Variants in DGKD observed in about 807,000 individuals in gnomAD.
DGKD encodes the protein DAG kinase delta.
A neutral mutation model predicts 154.4 loss-of-function variants in DGKD; 68 were observed. The observed-to-expected ratio is 0.44, with a 90% CI of 0.36 to 0.54. The LOEUF is 0.54. DGKD is among the 20% of genes least tolerant of loss of function. The pLI, the probability that DGKD is intolerant of heterozygous loss-of-function variation, is 0.00. For synonymous variants in DGKD, 693 were observed against 638.0 expected, an observed-to-expected ratio of 1.09 and a Z score of -1.30; for missense variants, 1,343 against 1,593.6, an observed-to-expected ratio of 0.84 and a Z score of 2.68.
chr2:233,454,937 T>TCTGGA, intron 19 of DGKD, 64 bp downstream of exon 19: 1 of 1,056,274 alleles, frequency 9.5e-7, no homozygotes, highest in Non-Finnish European at 1.5e-6. Flanking sequence ...TTCCAGACAG[T>TCTGGA]AGCAGATTTC....
intron 3 of DGKD, among the ~76,000 whole-genome samples, chr2:233,410,867 A>C (rs746677866): frequency 6.6e-6 from 1 of 152,094 alleles, no homozygotes; most frequent in African/African-American, 2.4e-5. Context: ...TTTCCTTGTA[A>C]TCCTTCCTTC....
chr2:233,424,750 G>T (rs563832290), intron 3 of DGKD, among the ~76,000 whole-genome samples: 1 of 152,212 alleles, frequency 6.6e-6, no homozygotes, highest in Non-Finnish European at 1.5e-5. Context: ...AGCCGGGTTC[G>T]TCAGGTTGTG....
intron 3 of DGKD, among the ~76,000 whole-genome samples, chr2:233,398,641 T>C (rs1314477129): frequency 1.3e-5 from 2 of 152,124 alleles, no homozygotes; most frequent in Non-Finnish European, 2.9e-5. Context: ...TGTTTGCTTT[T>C]TTTGAGACAG....
intron 3 of DGKD, among the ~76,000 whole-genome samples, chr2:233,425,590 A>T (rs543799641): frequency 6.6e-6 from 1 of 152,344 alleles, no homozygotes; most frequent in South Asian, 2.1e-4. Flanking sequence ...AGCCACTCAG[A>T]GGTCCTCTCA....
intron 2 of DGKD, 121 bp from the exon 3 acceptor site, chr2:233,390,282 G>A (rs1703511342): frequency 1.7e-6 from 1 of 589,072 alleles, no homozygotes; most frequent in Non-Finnish European, 2.9e-6. Context: ...ACAGTTTCAA[G>A]GTACTGGGGC....
At chr2:233,424,795 C>G (rs1465244812) in intron 3 of DGKD, among the ~76,000 whole-genome samples, 2 of 152,250 alleles carry the variant, frequency 1.3e-5, no homozygotes, top group Admixed American at 1.3e-4. Context: ...CTGGAAAACA[C>G]GCGGTGGATT....
chr2:233,436,652 A>G (rs2062707276), intron 7 of DGKD, among the ~76,000 whole-genome samples: 1 of 152,236 alleles, frequency 6.6e-6, no homozygotes, highest in Admixed American at 6.5e-5. Flanking sequence ...TCCTGTCTTT[A>G]GACATATGCA....
chr2:233,371,829 C>T (rs1007961645), intron 1 of DGKD, among the ~76,000 whole-genome samples: 3 of 152,308 alleles, frequency 2.0e-5, no homozygotes, highest in Admixed American at 2.0e-4. Flanking sequence ...GCTGTGCAGA[C>T]AGCCCTGCAG....
chr2:233,434,569 GGACC>G, intron 4 of DGKD, 85 bp downstream of exon 4: 1 of 1,443,526 alleles, frequency 6.9e-7, no homozygotes, highest in Non-Finnish European at 9.7e-7. Flanking sequence ...TCCCACGTGC[GGACC>G]CACAGTCTGG....
At chr2:233,386,015 GTA>G (rs1445281646) in intron 1 of DGKD, 3 of 470,478 alleles carry the variant, frequency 6.4e-6, no homozygotes, top group Admixed American at 4.7e-5. Context: ...GTGTGTGTAA[GTA>G]TGTGGTGCAG....
At chr2:233,395,463 C>G (rs940900836) in intron 3 of DGKD, among the ~76,000 whole-genome samples, 5 of 152,192 alleles carry the variant, frequency 3.3e-5, no homozygotes, top group African/African-American at 9.7e-5. Flanking sequence ...AGCCACCACA[C>G]CCAGCCATGC....
rs1452610465 is a variant in DGKD, at chr2:233,469,945, G to A, written c.*485G>A. ...AGCACAGCAGCCTGCAAGGGCCCCT[G>A]TTTGTTGATGCAGCTTTTGTTGAAC... On this transcript the variant is annotated 3_prime_UTR_variant, in exon 30 of 30. Transcript: ENST00000264057. 6.7e-6 allele frequency: 1 copy of A among 148,972 alleles called. No individual in the cohort carries two copies. 9.2% of individuals were successfully genotyped at this position (148,972 alleles called of 1,614,324 possible).
rs778150439 is a variant in DGKD, at chr2:233,445,105, G to A, written c.1195-518G>A. Among the ~76,000 whole-genome samples, 1 of 152,194 alleles carries A rather than the reference G, an allele frequency of 6.6e-6. No individual in the cohort carries two copies. Among genetic ancestry groups the A allele is most frequent in the Non-Finnish European group, 1.5e-5 (1 of 68,028 alleles). ...TGAGCTCTGGCAAGGCTCCAGGGTA[G>A]CCTCCAGACTGAGGATGGTCCTGGC... On this transcript the variant is annotated intron_variant, in intron 10 of 29. Transcript: ENST00000264057. The surrounding 1 kb of genome is among the most constrained non-coding windows in gnomAD (Gnocchi z 5.5).
chr2:233,384,898 C>T (rs1200557508), intron 1 of DGKD, among the ~76,000 whole-genome samples: 1 of 152,144 alleles, frequency 6.6e-6, no homozygotes, highest in Non-Finnish European at 1.5e-5. Context: ...GCTCAGGTAC[C>T]TGTTGTCTCA....
At chr2:233,424,186 T>G (rs2062215707) in intron 3 of DGKD, among the ~76,000 whole-genome samples, 1 of 152,226 alleles carries the variant, frequency 6.6e-6, no homozygotes, top group Non-Finnish European at 1.5e-5. Context: ...TGGTTTGGCC[T>G]GTGGTTTCAG....
intron 19 of DGKD, 47 bp downstream of exon 19, chr2:233,454,920 C>T (rs753151786): frequency 8.2e-7 from 1 of 1,213,054 alleles, no homozygotes; most frequent in South Asian, 1.2e-5. Flanking sequence ...GTCTTTGTGG[C>T]TTCTCCTTCC....
chr2:233,468,681 C>T, intron 29 of DGKD, 128 bp downstream of exon 29: 1 of 1,429,656 alleles, frequency 7.0e-7, no homozygotes, highest in Non-Finnish European at 9.4e-7. Flanking sequence ...GTGTATACCT[C>T]AGGTGGGGGC....
chr2:233,468,588 T>G, intron 29 of DGKD, 35 bp downstream of exon 29: 1 of 1,611,718 alleles, frequency 6.2e-7, no homozygotes, highest in Non-Finnish European at 8.5e-7. Context: ...AACCTGCACT[T>G]GGGCTTGCAC....
At position 233,469,315 on chromosome 2, in the gene DGKD, G is replaced by T; in HGVS notation, c.3556-56G>T. On this transcript the variant is annotated intron_variant, in intron 29 of 29. Coordinates refer to ENST00000264057, the MANE Select transcript of DGKD (RefSeq NM_152879.3). Reference sequence around the variant, plus strand: ...GCCGTTGTGGCAGGCCTGCTGTGGAGCCCTCTGGCCCTGGCTGTCTTCTCG... The same window carrying T: ...GCCGTTGTGGCAGGCCTGCTGTGGATCCCTCTGGCCCTGGCTGTCTTCTCG... The T allele has an allele frequency of 2.0e-6, 3 of 1,485,426 alleles. No homozygotes were observed. The South Asian group carries it at 3.6e-5, about 18-fold the overall frequency. The allele number at this position is 1,485,426 out of a possible 1,614,324, so 92.0% of individuals were successfully genotyped here. A position where few individuals can be genotyped will look rare whatever the true frequency, so the allele number is the denominator to read the frequency against.
Sources: gnomAD v4.1 joint callset for allele counts (sites outside exome capture counted in the v4.1 genomes callset) on GRCh38, gnomAD v4.1.1 for gene constraint, Gnocchi (gnomAD v3.1) non-coding constraint, MANE v1.5 for transcripts, NCBI Gene and HGNC (gene_info 2026-07-23, HGNC 2026-07-21) for gene names.